The following C10orf67 variants were observed in gnomAD, a reference collection of about 807,000 sequenced individuals.
The protein encoded by C10orf67 is chromosome 10 open reading frame 67.
A neutral mutation model predicts 35.6 loss-of-function variants in C10orf67; 60 were observed. That is an observed-to-expected ratio of 1.68 (90% CI 1.37 to 2.09). The LOEUF is 2.09. Among genes scored for constraint, C10orf67 ranks in the 30% most tolerant of loss-of-function variants. C10orf67 has a pLI of 0.00. For synonymous variants in C10orf67, 167 were observed against 115.8 expected (o/e 1.44, Z -2.84); for missense variants, 474 against 330.2 (o/e 1.44, Z -3.38).
intron 15 of C10orf67, among the ~76,000 whole-genome samples, chr10:23,216,947 T>C (rs1841447472): frequency 6.6e-6 from 1 of 152,196 alleles, no homozygotes; most frequent in African/African-American, 2.4e-5. Flanking sequence ...CAAAATCTAA[T>C]AGAGCCAGGT....
At chr10:23,302,482 G>A (rs1338894335) in intron 5 of C10orf67, among the ~76,000 whole-genome samples, 4 of 152,120 alleles carry the variant, frequency 2.6e-5, no homozygotes, top group South Asian at 2.1e-4. Flanking sequence ...AGATGCCATC[G>A]ATGAAGTATC....
chr10:23,320,732 GA>G lies in C10orf67; in HGVS notation c.546+8del. The stretch of plus-strand genomic sequence containing the variant: ...GCCCACAACTACGGCACCAGAAACA[GA>G]AACTCACCTGGTACATTCCTTTGAT... On this transcript the variant is annotated splice_region_variant and intron_variant, in intron 4 of 15. Coordinates refer to ENST00000636213, the MANE Select transcript of C10orf67 (RefSeq NM_001371909.1). 1 of 1,581,406 alleles carries G rather than the reference GA, an allele frequency of 6.3e-7. No individual in the cohort carries two copies. The highest frequency in any genetic ancestry group is 1.2e-5 in the South Asian group (1 of 86,130).
At chr10:23,204,834 C>T (rs901056591) in intron 15 of C10orf67, among the ~76,000 whole-genome samples, 3 of 152,074 alleles carry the variant, frequency 2.0e-5, no homozygotes, top group African/African-American at 4.8e-5. Flanking sequence ...TTACCTGGTG[C>T]GTAAATTGTG....
intron 5 of C10orf67, among the ~76,000 whole-genome samples, chr10:23,295,931 T>G (rs1312770440): frequency 6.6e-6 from 1 of 152,222 alleles, no homozygotes; most frequent in Non-Finnish European, 1.5e-5. Context: ...TCTAATAGAT[T>G]AACAAAGTAA....
At chr10:23,234,890 T>C (rs1263728306) in intron 13 of C10orf67, among the ~76,000 whole-genome samples, 1 of 150,654 alleles carries the variant, frequency 6.6e-6, no homozygotes, top group Non-Finnish European at 1.5e-5. Context: ...TACATGCCCA[T>C]AATCCCAGCT....
At chr10:23,254,487 G>A (rs1249828186) in intron 10 of C10orf67, among the ~76,000 whole-genome samples, 1 of 145,268 alleles carries the variant, frequency 6.9e-6, no homozygotes, top group African/African-American at 2.4e-5. Flanking sequence ...TGGGATTAGA[G>A]GCATGAGCCA....
chr10:23,303,467 C>CA lies in C10orf67; in HGVS notation c.547-9dup, dbSNP rs139760877. 407 of 525,764 alleles carry CA rather than the reference C, an allele frequency of 7.7e-4. 2 individuals are homozygous for CA. Among genetic ancestry groups the CA allele is most frequent in the African/African-American group, 5.5e-3 (277 of 50,294 alleles). 32.6% of individuals were successfully genotyped at this position (525,764 alleles called of 1,614,324 possible). A position where few individuals can be genotyped will look rare whatever the true frequency, so the allele number is the denominator to read the frequency against. On this transcript the variant is annotated splice_polypyrimidine_tract_variant and intron_variant, in intron 4 of 15. Transcript: ENST00000636213. ...TTCTACCTCAAAGAATTGCTAGGGA[C>CA]AAAAAAAAGCAGCATTAAAAATTAG...
chr10:23,218,522 G>A (rs992151037), intron 15 of C10orf67, among the ~76,000 whole-genome samples: 1 of 152,008 alleles, frequency 6.6e-6, no homozygotes, highest in Admixed American at 6.6e-5. Context: ...CTAAATAAAT[G>A]TATAAAAAGC....
At chr10:23,216,098 T>C (rs1238805916) in intron 15 of C10orf67, among the ~76,000 whole-genome samples, 1 of 152,212 alleles carries the variant, frequency 6.6e-6, no homozygotes, top group East Asian at 1.9e-4. Context: ...GCCAGTGCAT[T>C]AAGACAGGAA....
intron 10 of C10orf67, among the ~76,000 whole-genome samples, chr10:23,265,511 T>A (rs1842864713): frequency 6.6e-6 from 1 of 152,254 alleles, no homozygotes; most frequent in Non-Finnish European, 1.5e-5. Flanking sequence ...AATTGGGTTC[T>A]ATGCCTTCTA....
intron 3 of C10orf67, 75 bp downstream of exon 3, chr10:23,322,319 T>G: frequency 6.8e-7 from 1 of 1,463,180 alleles, no homozygotes; most frequent in Non-Finnish European, 9.3e-7. Context: ...AGTTACTAAA[T>G]TCTAAACTGC....
At chr10:23,227,309 G>C (rs1841768197) in intron 13 of C10orf67, among the ~76,000 whole-genome samples, 1 of 152,080 alleles carries the variant, frequency 6.6e-6, no homozygotes. Flanking sequence ...ATGTAATCCA[G>C]CATATAAACA....
At chr10:23,207,210 T>C (rs888708165) in intron 15 of C10orf67, among the ~76,000 whole-genome samples, 1 of 152,026 alleles carries the variant, frequency 6.6e-6, no homozygotes, top group Non-Finnish European at 1.5e-5. Context: ...GAAAATAATT[T>C]AGGGACTATC....
In C10orf67 at chr10:23,322,326, C is replaced by T. The variant is rs1844987799; in HGVS notation, c.471+68G>A. ...CCCTCACAAGTTACTAAATTCTAAA[C>T]TGCACTGCATACACATCTAAGCACA... On this transcript the variant is annotated intron_variant, in intron 3 of 15. Coordinates refer to ENST00000636213, the MANE Select transcript of C10orf67 (RefSeq NM_001371909.1). 9.4e-6 allele frequency: 14 copies of T among 1,487,228 alleles called. No individual in the cohort carries two copies. The South Asian group carries it at 1.4e-4, about 15-fold the overall frequency. The allele number at this position is 1,487,228 out of a possible 1,614,324, so 92.1% of individuals were successfully genotyped here.
At chr10:23,286,500 AGGGAGGGAG>A (rs1843535417) in intron 7 of C10orf67, among the ~76,000 whole-genome samples, 1 of 66,788 alleles carries the variant, frequency 1.5e-5, no homozygotes, top group Non-Finnish European at 2.9e-5. Flanking sequence ...GGAAGAAGGA[AGGGAGGGAG>A]GGGAGGGAGG....
chr10:23,227,794 A>G (rs1227931718), intron 13 of C10orf67, among the ~76,000 whole-genome samples: 1 of 152,202 alleles, frequency 6.6e-6, no homozygotes, highest in Non-Finnish European at 1.5e-5. Context: ...TACACCAATA[A>G]CAGACAAACA....
chr10:23,297,278 C>A (rs751185460), intron 5 of C10orf67, among the ~76,000 whole-genome samples: 1 of 106,926 alleles, frequency 9.4e-6, no homozygotes, highest in Non-Finnish European at 2.4e-5. Flanking sequence ...TTTCTGATGA[C>A]CCCACCAGTC....
intron 13 of C10orf67, among the ~76,000 whole-genome samples, chr10:23,232,564 A>G (rs1341154531): frequency 6.6e-6 from 1 of 152,192 alleles, no homozygotes; most frequent in Non-Finnish European, 1.5e-5. Flanking sequence ...AAAGTTGCTC[A>G]TGGGCTTAGA....
chr10:23,220,538 G>A (rs910442610), intron 15 of C10orf67, among the ~76,000 whole-genome samples: 2 of 152,194 alleles, frequency 1.3e-5, no homozygotes, highest in African/African-American at 4.8e-5. Flanking sequence ...TATTGAAAAT[G>A]GGATATTTTC....
Sources: allele counts gnomAD v4.1 joint callset (sites outside exome capture counted in the v4.1 genomes callset), GRCh38; gene constraint gnomAD v4.1.1; transcripts MANE v1.5; gene names NCBI Gene and HGNC (gene_info 2026-07-23, HGNC 2026-07-21).